Variants in DPYD observed in about 807,000 individuals in gnomAD.
DPYD encodes dihydropyrimidine dehydrogenase [NADP(+)].
In DPYD, 109 loss-of-function variants were observed where a neutral mutation model predicts 116.2. That is an observed-to-expected ratio of 0.94 (90% CI 0.80 to 1.10). DPYD has a LOEUF of 1.10. DPYD is among the 50% of genes least tolerant of loss of function. The pLI is 0.00. For missense variants in DPYD, 1,302 were observed against 1,254.5 expected (o/e 1.04, Z -0.57); for synonymous variants, 440 against 432.0 (o/e 1.02, Z -0.23).
chr1:97,451,609 C>T lies in DPYD; in HGVS notation c.1741-1386G>A, dbSNP rs1407770046. 2.6e-5 allele frequency among the ~76,000 whole-genome samples: 4 copies of T among 152,140 alleles called. No individual in the cohort carries two copies. The East Asian group carries it at 5.8e-4, about 22-fold the overall frequency. On this transcript the variant is annotated intron_variant, in intron 13 of 22. Transcript: ENST00000370192. ...TATTGTGAAACCATGTTTCACAATC[C>T]TAATGGGTAAAATGACAAATAGAGT...
Position 97,756,873 on chromosome 1 carries a change from T to C in DPYD, c.234-16394A>G, listed in dbSNP as rs7547835. Among the ~76,000 whole-genome samples, 746 of 152,272 alleles carry C rather than the reference T, an allele frequency of 4.9e-3. 2 individuals carry two copies. Among genetic ancestry groups the C allele is most frequent in the Non-Finnish European group, 6.7e-3 (453 of 68,008 alleles). On this transcript the variant is annotated intron_variant, in intron 3 of 22. Transcript: ENST00000370192. ...GCCTTTACTTTTGCTTTTCCCTCAA[T>C]AGAAATGCGTGCTGCTCATTCCCAC... is the stretch of plus-strand genomic sequence containing the variant.
At chr1:97,584,869 C>A (rs1653976193) in intron 10 of DPYD, among the ~76,000 whole-genome samples, 1 of 150,384 alleles carries the variant, frequency 6.6e-6, no homozygotes, top group Admixed American at 6.6e-5. Flanking sequence ...TTAATGGGTG[C>A]AGCACACCAA....
chr1:97,849,387 G>T (rs1670462721), intron 2 of DPYD, among the ~76,000 whole-genome samples: 1 of 152,054 alleles, frequency 6.6e-6, no homozygotes, highest in Non-Finnish European at 1.5e-5. Context: ...TCCTTTAGTA[G>T]TTAACTCTTA....
intron 3 of DPYD, among the ~76,000 whole-genome samples, chr1:97,788,043 A>C (rs1459777744): frequency 1.3e-5 from 2 of 152,184 alleles, no homozygotes. Flanking sequence ...GGTGCCAATA[A>C]ACCCTCCCAT....
intron 3 of DPYD, among the ~76,000 whole-genome samples, chr1:97,813,079 A>T (rs1292821385): frequency 1.3e-5 from 2 of 152,184 alleles, no homozygotes; most frequent in Non-Finnish European, 2.9e-5. Flanking sequence ...TTCAGACTGC[A>T]GTTAATGGTA....
intron 11 of DPYD, among the ~76,000 whole-genome samples, chr1:97,567,906 T>C (rs929700554): frequency 1.3e-5 from 2 of 152,044 alleles, no homozygotes; most frequent in African/African-American, 4.8e-5. Context: ...AGTTTTAGGG[T>C]ACATATGCAC....
chr1:97,727,445 A>G (rs968479817), intron 4 of DPYD, among the ~76,000 whole-genome samples: 4 of 151,784 alleles, frequency 2.6e-5, no homozygotes, highest in African/African-American at 9.7e-5. Flanking sequence ...ATTTAATTAA[A>G]GCTTTTTAAT....
intron 20 of DPYD, among the ~76,000 whole-genome samples, chr1:97,175,854 G>A (rs1657216534): frequency 6.6e-6 from 1 of 152,136 alleles, no homozygotes; most frequent in Non-Finnish European, 1.5e-5. Flanking sequence ...TTTAAATACA[G>A]TGCAAATCAA....
rs1007267065 is a variant in DPYD at position 97,420,799 on chromosome 1, C to T, written c.1905+29260G>A. Among the ~76,000 whole-genome samples the T allele has an allele frequency of 5.3e-5, 8 of 152,288 alleles. No individual in the cohort carries two copies. In the East Asian group the frequency reaches 1.2e-3, roughly 22 times the overall value. On this transcript the variant is annotated intron_variant, in intron 14 of 22. Transcript: ENST00000370192. Reference sequence around the variant, plus strand: ...AATGCCAGTGCCTTCTCTGCCCACACGCTGAACTTCTAGTCATTCTTCAAG... The same window carrying T: ...AATGCCAGTGCCTTCTCTGCCCACATGCTGAACTTCTAGTCATTCTTCAAG...
chr1:97,355,293 T>C (rs1375762182), intron 16 of DPYD, among the ~76,000 whole-genome samples: 1 of 152,168 alleles, frequency 6.6e-6, no homozygotes, highest in Admixed American at 6.5e-5. Context: ...GTTGTATATA[T>C]TTGAGTTACC....
intron 2 of DPYD, among the ~76,000 whole-genome samples, chr1:97,839,591 T>C (rs1472700691): frequency 6.6e-6 from 1 of 152,192 alleles, no homozygotes; most frequent in East Asian, 1.9e-4. Context: ...CAATATTACA[T>C]ATTTTACTTA....
At chr1:97,191,350 G>A (rs1026206549) in intron 20 of DPYD, among the ~76,000 whole-genome samples, 8 of 152,110 alleles carry the variant, frequency 5.3e-5, no homozygotes, top group African/African-American at 1.7e-4. Context: ...CTGCACAGGA[G>A]AATCCAGAAG....
chr1:97,890,935 A>G (rs1221453419), intron 1 of DPYD, among the ~76,000 whole-genome samples: 1 of 152,000 alleles, frequency 6.6e-6, no homozygotes, highest in Non-Finnish European at 1.5e-5. Context: ...AAAGCATAAC[A>G]TAACATGAAA....
At chr1:97,810,211 C>T (rs1443740219) in intron 3 of DPYD, among the ~76,000 whole-genome samples, 1 of 141,374 alleles carries the variant, frequency 7.1e-6, no homozygotes, top group Non-Finnish European at 1.5e-5. Flanking sequence ...GGTGTGAACC[C>T]AGGAGGCAGA....
chr1:97,133,802 A>G (rs1280591669), intron 20 of DPYD, among the ~76,000 whole-genome samples: 2 of 151,492 alleles, frequency 1.3e-5, no homozygotes, highest in South Asian at 2.1e-4. Context: ...GTTCGAGACC[A>G]GCCTGGCCAA....
chr1:97,237,697 AT>A (rs1222414734), intron 18 of DPYD, among the ~76,000 whole-genome samples: 2 of 152,202 alleles, frequency 1.3e-5, no homozygotes, highest in Non-Finnish European at 2.9e-5. Flanking sequence ...AAAGGAAAGC[AT>A]TTTTTAAGGA....
At chr1:97,331,285 G>A (rs1421949930) in intron 16 of DPYD, among the ~76,000 whole-genome samples, 3 of 152,020 alleles carry the variant, frequency 2.0e-5, no homozygotes, top group Admixed American at 1.3e-4. Context: ...GCCAGCCTAC[G>A]TAACAAAGAC....
chr1:97,157,454 T>A (rs1358962061), intron 20 of DPYD, among the ~76,000 whole-genome samples: 1 of 152,100 alleles, frequency 6.6e-6, no homozygotes, highest in African/African-American at 2.4e-5. Flanking sequence ...GGGATTTTAT[T>A]CCTCAAATAA....
chr1:97,104,530 C>A (rs1033431071), intron 20 of DPYD, among the ~76,000 whole-genome samples: 19 of 152,144 alleles, frequency 1.2e-4, no homozygotes, highest in African/African-American at 4.6e-4. Flanking sequence ...GTTATATGAG[C>A]AGTGACAATG....
Sources: gnomAD v4.1 joint callset for allele counts (sites outside exome capture counted in the v4.1 genomes callset) on GRCh38, gnomAD v4.1.1 for gene constraint, MANE v1.5 for transcripts, NCBI Gene and HGNC (gene_info 2026-07-23, HGNC 2026-07-21) for gene names.